Variants in PTPN11 observed in about 807,000 individuals in gnomAD.
PTPN11 encodes tyrosine-protein phosphatase non-receptor type 11.
A neutral mutation model predicts 78.8 loss-of-function variants in PTPN11; 6 were observed. The observed-to-expected ratio is 0.08, with a 90% CI of 0.04 to 0.15. The LOEUF is 0.15. Among genes scored for constraint, PTPN11 ranks in the 10% least tolerant of loss-of-function variants. PTPN11 has a pLI of 1.00. For synonymous variants in PTPN11, 221 were observed against 263.5 expected, an observed-to-expected ratio of 0.84 and a Z score of 1.56; for missense variants, 386 against 744.8, an observed-to-expected ratio of 0.52 and a Z score of 5.61.
At chr12:112,480,944 A>G (rs2038585957) in intron 9 of PTPN11, among the ~76,000 whole-genome samples, 1 of 152,182 alleles carries the variant, frequency 6.6e-6, no homozygotes, top group African/African-American at 2.4e-5. Context: ...CTCATCTCTT[A>G]CTGAGTGAAA....
chr12:112,449,410 G>A (rs2038045948), intron 2 of PTPN11, among the ~76,000 whole-genome samples: 1 of 151,850 alleles, frequency 6.6e-6, no homozygotes, highest in Admixed American at 6.6e-5. Context: ...GGGAGGTTGA[G>A]GCAGGAGAAT....
chr12:112,463,103 A>T (rs2038273682), intron 6 of PTPN11, among the ~76,000 whole-genome samples: 1 of 152,174 alleles, frequency 6.6e-6, no homozygotes, highest in South Asian at 2.1e-4. Context: ...ATCTAGATTC[A>T]ATAGAATCTT....
chr12:112,455,871 G>A (rs928283406), intron 5 of PTPN11, 79 bp from the exon 6 acceptor site: 1 of 562,904 alleles, frequency 1.8e-6, no homozygotes, highest in African/African-American at 2.3e-5. Context: ...ACATAGACAT[G>A]TTTTTTTTTT....
chr12:112,446,191 A>G (rs1291747781), intron 1 of PTPN11, 85 bp from the exon 2 acceptor site: 2 of 1,559,388 alleles, frequency 1.3e-6, no homozygotes, highest in Non-Finnish European at 1.8e-6. Flanking sequence ...TACTCTGCTC[A>G]TAATGCGTCT....
At chr12:112,450,206 C>T in intron 2 of PTPN11, 112 bp from the exon 3 acceptor site, 1 of 992,796 alleles carries the variant, frequency 1.0e-6, no homozygotes, top group Non-Finnish European at 1.6e-6. Context: ...AAATTCGTTC[C>T]TTGGGTTTCT....
At chr12:112,419,290 C>G (rs2037479697) in intron 1 of PTPN11, among the ~76,000 whole-genome samples, 165 bp downstream of exon 1, 1 of 152,078 alleles carries the variant, frequency 6.6e-6, no homozygotes, top group East Asian at 1.9e-4. Context: ...GGGCCGGGGG[C>G]CGGCCCCACC....
intron 6 of PTPN11, among the ~76,000 whole-genome samples, chr12:112,471,478 G>GAC (rs1351325850): frequency 6.8e-6 from 1 of 147,162 alleles, no homozygotes; most frequent in Admixed American, 6.8e-5. Flanking sequence ...GAGAGAGAGA[G>GAC]AGAGAGAGAG....
At chr12:112,483,806 AG>A (rs2135908971) in intron 10 of PTPN11, among the ~76,000 whole-genome samples, 1 of 152,248 alleles carries the variant, frequency 6.6e-6, no homozygotes, top group East Asian at 1.9e-4. Flanking sequence ...GAGTGTACCA[AG>A]GGCGAGGGTG....
At chr12:112,469,390 GC>G (rs1435676922) in intron 6 of PTPN11, among the ~76,000 whole-genome samples, 1 of 151,280 alleles carries the variant, frequency 6.6e-6, no homozygotes, top group Non-Finnish European at 1.5e-5. Context: ...CCTCAGGAAT[GC>G]CCCAGTATCT....
chr12:112,446,762 A>C (rs1417490327), intron 2 of PTPN11, among the ~76,000 whole-genome samples: 2 of 150,244 alleles, frequency 1.3e-5, no homozygotes, highest in Non-Finnish European at 3.0e-5. Flanking sequence ...TTTTAAATAG[A>C]GGTGGGATCT....
intron 6 of PTPN11, among the ~76,000 whole-genome samples, chr12:112,468,179 A>G (rs2038359184): frequency 6.6e-6 from 1 of 152,188 alleles, no homozygotes; most frequent in Admixed American, 6.5e-5. Flanking sequence ...CCTCCTCATT[A>G]GCATCCCTGC....
chr12:112,425,089 G>T (rs2037595701), intron 1 of PTPN11, among the ~76,000 whole-genome samples: 1 of 151,174 alleles, frequency 6.6e-6, no homozygotes, highest in Non-Finnish European at 1.5e-5. Flanking sequence ...CCTGAGCTCA[G>T]GTGATCCACC....
intron 6 of PTPN11, among the ~76,000 whole-genome samples, chr12:112,464,589 A>G (rs922352745): frequency 6.6e-6 from 1 of 151,800 alleles, no homozygotes; most frequent in Non-Finnish European, 1.5e-5. Flanking sequence ...CTCTCAGCTA[A>G]TTTTTTTGTA....
intron 1 of PTPN11, 47 bp downstream of exon 1, chr12:112,419,172 C>T: frequency 3.4e-6 from 5 of 1,479,766 alleles, no homozygotes; most frequent in Non-Finnish European, 4.5e-6. Flanking sequence ...CCGGCCACCG[C>T]CGCGTTCGGT....
intron 14 of PTPN11, among the ~76,000 whole-genome samples, chr12:112,502,850 G>T (rs1010925869): frequency 3.9e-5 from 6 of 152,208 alleles, no homozygotes; most frequent in African/African-American, 9.6e-5. Flanking sequence ...TCTCCAAGAA[G>T]AATCTAATTT....
intron 3 of PTPN11, among the ~76,000 whole-genome samples, chr12:112,451,014 C>T (rs2038072085): frequency 6.6e-6 from 1 of 152,118 alleles, no homozygotes; most frequent in Non-Finnish European, 1.5e-5. Context: ...TGAGAATGAC[C>T]TTGCTTAGAG....
intron 1 of PTPN11, among the ~76,000 whole-genome samples, chr12:112,433,135 A>G (rs1326564154): frequency 6.6e-6 from 1 of 152,198 alleles, no homozygotes; most frequent in African/African-American, 2.4e-5. Context: ...TGCTGGGATT[A>G]CAGGCATTAG....
rs546735786 is a variant in PTPN11 at position 112,467,786 on chromosome 12, C to T, written c.757-5158C>T. On this transcript the variant is annotated intron_variant, in intron 6 of 15. Coordinates refer to ENST00000351677, the MANE Select transcript of PTPN11 (RefSeq NM_002834.5). ...CTGGGATTACAGGCATGAGCCACTG[C>T]GCACGGCCACCACACTGTTTTAAAC... Among the ~76,000 whole-genome samples the T allele has an allele frequency of 3.9e-5, 6 of 152,264 alleles. No individual in the cohort carries two copies. In the East Asian group the frequency reaches 5.8e-4, roughly 15 times the overall value.
chr12:112,472,849 G>A (rs887823562), intron 6 of PTPN11, 95 bp from the exon 7 acceptor site: 6 of 1,006,138 alleles, frequency 6.0e-6, no homozygotes, highest in Non-Finnish European at 9.5e-6. Flanking sequence ...ACATTTCCTA[G>A]GATGAATTCC....
Sources: allele counts gnomAD v4.1 joint callset (sites outside exome capture counted in the v4.1 genomes callset), GRCh38; gene constraint gnomAD v4.1.1; transcripts MANE v1.5; gene names NCBI Gene and HGNC (gene_info 2026-07-23, HGNC 2026-07-21).